Variants in MYO15B observed in about 807,000 individuals in gnomAD.
MYO15B encodes the protein myosin XVB, also known as myosin XVB pseudogene.
In MYO15B, 207 loss-of-function variants were observed where a neutral mutation model predicts 119.3. The observed-to-expected ratio is 1.73, with a 90% CI of 1.55 to 1.95. The LOEUF (loss-of-function observed/expected upper bound fraction) is 1.95. MYO15B is among the 30% of genes most tolerant of loss of function. The pLI is 0.00. For synonymous variants in MYO15B, 966 were observed against 498.9 expected (o/e 1.94, Z -12.48); for missense variants, 2,264 against 1,203.1 (o/e 1.88, Z -13.04).
chr17:75,605,281 C>A (rs762464959), intron 19 of MYO15B, among the ~76,000 whole-genome samples: 1 of 151,768 alleles, frequency 6.6e-6, no homozygotes. Context: ...ACTAAAAATA[C>A]AAAAAATTAG....
chr17:75,601,368 C>A, intron 14 of MYO15B, 70 bp from the exon 15 acceptor site: 3 of 686,990 alleles, frequency 4.4e-6, no homozygotes, highest in Non-Finnish European at 5.3e-6. Flanking sequence ...TCGTGCTCAC[C>A]GGGAGAGGGC....
exon 13 of MYO15B, chr17:75,596,480 G>A (rs1056917361): frequency 1.4e-6 from 1 of 701,284 alleles, no homozygotes; most frequent in African/African-American, 1.8e-5. Flanking sequence ...TGAATGGCCT[G>A]GAGCAACTGT....
chr17:75,592,031 A>G, exon 6 of MYO15B: 2 of 702,820 alleles, frequency 2.8e-6, no homozygotes, highest in Non-Finnish European at 5.2e-6. Context: ...GACCATCCTC[A>G]ATGCCAATGC....
At chr17:75,605,544 G>A (rs773935646) in exon 20 of MYO15B, 26 of 702,616 alleles carry the variant, frequency 3.7e-5, no homozygotes, top group Non-Finnish European at 6.5e-5. Flanking sequence ...AGACCTCTCT[G>A]ACCGGGAGAA....
intron 14 of MYO15B, among the ~76,000 whole-genome samples, chr17:75,599,764 G>A (rs917865852): frequency 2.0e-5 from 3 of 151,166 alleles, no homozygotes; most frequent in African/African-American, 7.3e-5. Context: ...GCGTGGTGGC[G>A]GGTGCCTGTA....
At chr17:75,594,852 C>G in exon 12 of MYO15B, 1 of 703,048 alleles carries the variant, frequency 1.4e-6, no homozygotes, top group East Asian at 2.7e-5. Flanking sequence ...ACGCCCTGGC[C>G]AAGGCACTGT....
rs115289788 is a variant in MYO15B at position 75,603,408 on chromosome 17, G to A, written c.4016+96G>A. On this transcript the variant is annotated intron_variant, in intron 19 of 63. Coordinates refer to ENST00000645453, the Ensembl canonical transcript of MYO15B. ...TTCTGATTGGAGATGGACTCACTCT[G>A]CCCAGGACTGGGCCTAGCACCCAAC... The A allele has an allele frequency of 8.8e-5, 58 of 657,242 alleles. No individual in the cohort carries two copies. The African/African-American group carries it at 9.1e-4, about 10-fold the overall frequency. 40.7% of individuals were successfully genotyped at this position (657,242 alleles called of 1,614,324 possible).
exon 34 of MYO15B, chr17:75,615,240 T>A (rs1233633301): frequency 2.8e-6 from 2 of 701,816 alleles, no homozygotes; most frequent in South Asian, 3.0e-5. Context: ...GTTCCCTCAG[T>A]GTACCCAGGA....
intron 9 of MYO15B, among the ~76,000 whole-genome samples, chr17:75,593,924 G>GAAAAAA (rs3072564): frequency 7.8e-6 from 1 of 128,822 alleles, no homozygotes. Context: ...AGTCTCAGAA[G>GAAAAAA]AAAAAAAAAA....
chr17:75,617,814 GAC>G lies in MYO15B; in HGVS notation c.6823_6824del (p.Gln2275AlafsTer53). 1.4e-6 allele frequency: 1 copy of G among 701,868 alleles called. No homozygotes were observed. Among genetic ancestry groups the G allele is most frequent in the Non-Finnish European group, 2.6e-6 (1 of 384,274 alleles). 43.5% of individuals were successfully genotyped at this position (701,868 alleles called of 1,614,324 possible). A position where few individuals can be genotyped will look rare whatever the true frequency, so the allele number is the denominator to read the frequency against. ...TCACCCCCTCCTCTCTGCCAGGCTT[GAC>G]ACAGCCCGTGGAGGACCAGGGGGTC... On this transcript the variant is annotated frameshift_variant, in exon 42 of 64. Transcript: ENST00000645453. LOFTEE classifies it high-confidence loss of function.
chr17:75,597,812 A>G (rs959148330), intron 14 of MYO15B, among the ~76,000 whole-genome samples: 1 of 152,186 alleles, frequency 6.6e-6, no homozygotes, highest in African/African-American at 2.4e-5. Flanking sequence ...GCTACTTGGG[A>G]GGCTGAGGTG....
chr17:75,591,737 C>G (rs1027150517), intron 5 of MYO15B, 25 bp downstream of exon 5: 6 of 702,704 alleles, frequency 8.5e-6, no homozygotes, highest in Non-Finnish European at 1.6e-5. Flanking sequence ...GGAGGTACCT[C>G]ATGGGTTGAG....
intron 43 of MYO15B, 118 bp from the exon 44 acceptor site, chr17:75,619,025 T>C (rs1418032279): frequency 4.5e-6 from 3 of 662,590 alleles, no homozygotes; most frequent in African/African-American, 1.8e-5. Context: ...ACACAGGCCA[T>C]GGGGGCCAGG....
chr17:75,613,065 G>C, exon 27 of MYO15B: 1 of 702,408 alleles, frequency 1.4e-6, no homozygotes, highest in African/African-American at 1.7e-5. Context: ...TGCCGGCCAG[G>C]GCTGCGGAAT....
chr17:75,613,156 T>C (rs753121987), exon 27 of MYO15B: 21 of 702,212 alleles, frequency 3.0e-5, no homozygotes, highest in Admixed American at 1.2e-4. Context: ...CCCTCATGGC[T>C]GTTTTGCTCA....
exon 54 of MYO15B, chr17:75,623,810 G>A (rs995607080): frequency 1.4e-6 from 1 of 702,972 alleles, no homozygotes; most frequent in Non-Finnish European, 2.6e-6. Flanking sequence ...TGAGGGATGA[G>A]ATTTACTGCC....
rs534819722 is a variant in MYO15B, at chr17:75,624,663, C to A, written c.8542+24C>A. On this transcript the variant is annotated intron_variant, in intron 58 of 63. Transcript: ENST00000645453. ...GAGTAAGCTTGGGGACGGAGCCTCA[C>A]GGTGGGGCCACTCCCCTGCCCAGGG... 4 of 702,828 alleles carry A rather than the reference C, an allele frequency of 5.7e-6. No individual in the cohort carries two copies. In the Admixed American group the frequency reaches 6.0e-5, roughly 11 times the overall value. The allele number at this position is 702,828 out of a possible 1,614,324, so 43.5% of individuals were successfully genotyped here.
chr17:75,611,235 G>A (rs1047702515), intron 23 of MYO15B, among the ~76,000 whole-genome samples: 47 of 152,076 alleles, frequency 3.1e-4, no homozygotes, highest in African/African-American at 1.1e-3. Flanking sequence ...GTCGAGGTGT[G>A]AGGATTGCTT....
At chr17:75,597,691 A>G (rs543861267) in intron 14 of MYO15B, among the ~76,000 whole-genome samples, 124 of 152,292 alleles carry the variant, frequency 8.1e-4, no homozygotes, top group Middle Eastern at 3.4e-3. Context: ...TTGGGAGGCC[A>G]AGGTGGGTGG....
Sources: allele counts gnomAD v4.1 joint callset (sites outside exome capture counted in the v4.1 genomes callset), GRCh38; gene constraint gnomAD v4.1.1; transcripts MANE v1.5; gene names NCBI Gene and HGNC (gene_info 2026-07-23, HGNC 2026-07-21).